STXBP5L: variants seen among roughly 807,000 people sequenced by gnomAD.
STXBP5L encodes the protein syntaxin-binding protein 5-like.
STXBP5L carries 65 observed loss-of-function variants against 144.5 expected under a neutral mutation model. That is an observed-to-expected ratio of 0.45 (90% CI 0.37 to 0.55). The LOEUF (loss-of-function observed/expected upper bound fraction) is 0.55, where lower values mean the gene tolerates loss of function less well. Among genes scored for constraint, STXBP5L ranks in the 20% least tolerant of loss-of-function variants. The pLI, the probability that STXBP5L is intolerant of heterozygous loss-of-function variation, is 0.00. For missense variants in STXBP5L, 1,298 were observed against 1,405.5 expected (o/e 0.92, Z 1.22); for synonymous variants, 505 against 469.6 (o/e 1.08, Z -0.97).
chr3:121,096,231 C>A (rs1393362489), intron 5 of STXBP5L, among the ~76,000 whole-genome samples: 1 of 152,178 alleles, frequency 6.6e-6, no homozygotes, highest in Non-Finnish European at 1.5e-5. Flanking sequence ...TCATATTTGG[C>A]TATCTTGGAA....
intron 20 of STXBP5L, among the ~76,000 whole-genome samples, chr3:121,334,056 A>G (rs1477772912): frequency 2.0e-5 from 3 of 152,052 alleles, no homozygotes; most frequent in Non-Finnish European, 4.4e-5. Flanking sequence ...TGGTTTTATA[A>G]GGAGAAACCC....
chr3:121,089,488 A>G (rs187310728), intron 5 of STXBP5L, among the ~76,000 whole-genome samples: 14 of 150,832 alleles, frequency 9.3e-5, no homozygotes, highest in African/African-American at 2.4e-4. Context: ...ATTTTCTCCC[A>G]TAGTTAAGGT....
chr3:120,971,819 C>G (rs1268078595), intron 3 of STXBP5L, among the ~76,000 whole-genome samples: 2 of 150,084 alleles, frequency 1.3e-5, no homozygotes, highest in African/African-American at 4.9e-5. Flanking sequence ...TATGTCTGTG[C>G]CATGGAATAC....
chr3:120,984,514 AT>A (rs934577525), intron 3 of STXBP5L, among the ~76,000 whole-genome samples: 55 of 140,816 alleles, frequency 3.9e-4, no homozygotes, highest in Admixed American at 1.9e-3. Context: ...TTCTAACGGG[AT>A]TTTTTTTTTG....
At chr3:121,151,275 T>C (rs1372645986) in intron 7 of STXBP5L, among the ~76,000 whole-genome samples, 1 of 152,190 alleles carries the variant, frequency 6.6e-6, no homozygotes, top group Non-Finnish European at 1.5e-5. Context: ...GCAAGTCATA[T>C]ATGCCATTTA....
At chr3:121,253,797 ATTTTTTTTTTTTCTT>A (rs1215063907) in intron 15 of STXBP5L, among the ~76,000 whole-genome samples, 1 of 120,642 alleles carries the variant, frequency 8.3e-6, no homozygotes, top group African/African-American at 3.3e-5. Context: ...CGCCCCGCTA[ATTTTTTTTTTTTCTT>A]TTTTTTTTTT....
chr3:120,954,291 A>G (rs1937778473), intron 2 of STXBP5L, among the ~76,000 whole-genome samples: 1 of 152,162 alleles, frequency 6.6e-6, no homozygotes, highest in South Asian at 2.1e-4. Context: ...GTTTTAACTA[A>G]TGTATATGCT....
intron 19 of STXBP5L, among the ~76,000 whole-genome samples, chr3:121,305,434 A>C (rs2043304223): frequency 6.6e-6 from 1 of 152,182 alleles, no homozygotes; most frequent in African/African-American, 2.4e-5. Context: ...CAAATGGAAG[A>C]CAAACATATA....
intron 20 of STXBP5L, among the ~76,000 whole-genome samples, chr3:121,373,125 A>C (rs2046080941): frequency 1.3e-5 from 2 of 152,374 alleles, no homozygotes; most frequent in South Asian, 4.1e-4. Flanking sequence ...CTAGGGAAGA[A>C]TTAATGAATC....
intron 10 of STXBP5L, among the ~76,000 whole-genome samples, chr3:121,215,685 G>A (rs189479720): frequency 6.6e-6 from 1 of 152,056 alleles, no homozygotes; most frequent in African/African-American, 2.4e-5. Flanking sequence ...GTGTCTTGAG[G>A]TTGCTCTTCT....
At chr3:121,358,316 T>C (rs1275955661) in intron 20 of STXBP5L, among the ~76,000 whole-genome samples, 2 of 152,094 alleles carry the variant, frequency 1.3e-5, no homozygotes, top group Non-Finnish European at 2.9e-5. Context: ...CTCACACTGC[T>C]ATAAAGAACT....
intron 26 of STXBP5L, among the ~76,000 whole-genome samples, chr3:121,418,813 C>G (rs980706225): frequency 1.3e-5 from 2 of 152,112 alleles, no homozygotes; most frequent in African/African-American, 4.8e-5. Flanking sequence ...TCTGATACAT[C>G]TGGGATCCAC....
intron 9 of STXBP5L, among the ~76,000 whole-genome samples, chr3:121,179,421 T>C (rs959101426): frequency 1.3e-5 from 2 of 152,082 alleles, no homozygotes; most frequent in Non-Finnish European, 2.9e-5. Context: ...AAGCAAAAAA[T>C]ACCGTACATA....
chr3:121,369,650 C>T (rs2045970323), intron 20 of STXBP5L, among the ~76,000 whole-genome samples: 1 of 152,084 alleles, frequency 6.6e-6, no homozygotes, highest in African/African-American at 2.4e-5. Flanking sequence ...TCAGAAAAGC[C>T]TTTCACCAGG....
intron 5 of STXBP5L, among the ~76,000 whole-genome samples, chr3:121,070,691 T>C (rs2041770963): frequency 6.6e-6 from 1 of 152,134 alleles, no homozygotes; most frequent in Non-Finnish European, 1.5e-5. Context: ...ACCCGAATAA[T>C]GGCTCTGCTG....
At chr3:121,143,078 A>T (rs1044327471) in intron 7 of STXBP5L, among the ~76,000 whole-genome samples, 3 of 151,854 alleles carry the variant, frequency 2.0e-5, no homozygotes, top group Non-Finnish European at 4.4e-5. Flanking sequence ...ACTAATAAGA[A>T]CAGTTATATA....
chr3:121,235,176 A>C (rs2049437080), intron 12 of STXBP5L, among the ~76,000 whole-genome samples: 1 of 152,062 alleles, frequency 6.6e-6, no homozygotes, highest in Admixed American at 6.6e-5. Context: ...ATTAAAATCT[A>C]TGTGGCATTC....
intron 20 of STXBP5L, among the ~76,000 whole-genome samples, chr3:121,347,027 C>T (rs1286616939): frequency 1.3e-5 from 2 of 152,166 alleles, no homozygotes; most frequent in Non-Finnish European, 2.9e-5. Context: ...AGTCCTTGCC[C>T]ATGCCTATGT....
intron 13 of STXBP5L, 146 bp from the exon 14 acceptor site, chr3:121,240,294 A>T: frequency 1.6e-6 from 1 of 633,426 alleles, no homozygotes; most frequent in Non-Finnish European, 2.6e-6. Flanking sequence ...TGAAAGAATT[A>T]AAAGACAGCT....
Sources: gnomAD v4.1 joint callset for allele counts (sites outside exome capture counted in the v4.1 genomes callset) on GRCh38, gnomAD v4.1.1 for gene constraint, MANE v1.5 for transcripts, NCBI Gene and HGNC (gene_info 2026-07-23, HGNC 2026-07-21) for gene names.